Variants in ADAM17 observed in about 807,000 individuals in gnomAD.
ADAM17 encodes disintegrin and metalloproteinase domain-containing protein 17.
Under a neutral mutation model 96.7 loss-of-function variants are expected in ADAM17, and 39 were observed. That is an observed-to-expected ratio of 0.40 (90% CI 0.31 to 0.53). ADAM17 has a LOEUF of 0.53. Among genes scored for constraint, ADAM17 ranks in the 20% least tolerant of loss-of-function variants. The pLI is 0.44. For missense variants in ADAM17, 777 were observed against 1,013.2 expected, an observed-to-expected ratio of 0.77 and a Z score of 3.17; for synonymous variants, 344 against 359.2, an observed-to-expected ratio of 0.96 and a Z score of 0.48.
intron 4 of ADAM17, among the ~76,000 whole-genome samples, chr2:9,532,315 C>T (rs969358136): frequency 2.6e-5 from 4 of 151,860 alleles, no homozygotes; most frequent in African/African-American, 9.7e-5. Context: ...TGTGAACAGC[C>T]AATCACCACA....
At chr2:9,514,179 T>TA (rs1473520973) in intron 10 of ADAM17, among the ~76,000 whole-genome samples, 2 of 151,402 alleles carry the variant, frequency 1.3e-5, no homozygotes, top group Non-Finnish European at 2.9e-5. Flanking sequence ...TATGCAGCCA[T>TA]AAAAAAGGAT....
chr2:9,493,888 G>T, intron 15 of ADAM17, 63 bp from the exon 16 acceptor site: 1 of 1,407,244 alleles, frequency 7.1e-7, no homozygotes, highest in Non-Finnish European at 9.9e-7. Context: ...AAGCAATGTA[G>T]CTTTATAAAA....
rs1271403735 is a variant in ADAM17 at position 9,534,466 on chromosome 2, C to A, written c.450+1368G>T. 2.6e-5 allele frequency among the ~76,000 whole-genome samples: 4 copies of A among 152,044 alleles called. No homozygotes were observed. The East Asian group carries it at 7.7e-4, about 29-fold the overall frequency. ...AGGAGAATCGCCTGAACCGGGGAGG[C>A]AGAGGTTATAGTGAGCCAAGATCAC... On this transcript the variant is annotated intron_variant, in intron 4 of 18. Transcript: ENST00000310823.
intron 2 of ADAM17, among the ~76,000 whole-genome samples, chr2:9,537,906 A>AGGC (rs1665035261): frequency 6.9e-5 from 1 of 14,472 alleles, no homozygotes; most frequent in Non-Finnish European, 1.5e-4. Flanking sequence ...GGAGGGGAGG[A>AGGC]GAGGGGGAGG....
At position 9,488,969 on chromosome 2, in the gene ADAM17, T is replaced by A. The variant is rs888190405; in HGVS notation, c.*1208A>T. ...GAATCCAGGCTAATGATTTTTATCC[T>A]TCACACAGTAAATGCAGCCCATCCA... On this transcript the variant is annotated 3_prime_UTR_variant, in exon 19 of 19. Transcript: ENST00000310823. 1 of 152,206 alleles carries A rather than the reference T, an allele frequency of 6.6e-6. No individual in the cohort carries two copies. The highest frequency in any genetic ancestry group is 1.9e-4 in the East Asian group (1 of 5,198). 9.4% of individuals were successfully genotyped at this position (152,206 alleles called of 1,614,324 possible).
At position 9,490,066 on chromosome 2, in the gene ADAM17, G is replaced by T. The variant is rs1343579133; in HGVS notation, c.*111C>A. ...TGCAGGAAGTTCAAACACATGACCAGCATCTGCTAAGTCACTTCCCAGTCT... is the reference window on the plus strand; with the variant it reads ...TGCAGGAAGTTCAAACACATGACCATCATCTGCTAAGTCACTTCCCAGTCT... On this transcript the variant is annotated 3_prime_UTR_variant, in exon 19 of 19. Transcript: ENST00000310823. 9.8e-6 allele frequency: 10 copies of T among 1,017,836 alleles called. No homozygotes were observed. Among genetic ancestry groups the T allele is most frequent in the Non-Finnish European group, 1.4e-5 (10 of 712,950 alleles). The allele number at this position is 1,017,836 out of a possible 1,614,324, so 63.1% of individuals were successfully genotyped here. A position where few individuals can be genotyped will look rare whatever the true frequency, so the allele number is the denominator to read the frequency against.
At chr2:9,499,278 C>G (rs964657903) in intron 13 of ADAM17, among the ~76,000 whole-genome samples, 1 of 151,896 alleles carries the variant, frequency 6.6e-6, no homozygotes, top group Non-Finnish European at 1.5e-5. Flanking sequence ...GTTTTACTTA[C>G]GTTTATTTAA....
intron 18 of ADAM17, among the ~76,000 whole-genome samples, chr2:9,490,803 CAAGGT>C (rs1662071418): frequency 6.6e-6 from 1 of 152,294 alleles, no homozygotes; most frequent in Admixed American, 6.5e-5. Flanking sequence ...TCAAACCTCT[CAAGGT>C]AAGATCCCAA....
chr2:9,548,527 G>A (rs901011156), intron 1 of ADAM17, among the ~76,000 whole-genome samples: 5 of 151,644 alleles, frequency 3.3e-5, no homozygotes, highest in African/African-American at 1.2e-4. Flanking sequence ...GCTGATATCA[G>A]GAGACAATTG....
At chr2:9,534,820 A>C (rs1572947496) in intron 4 of ADAM17, among the ~76,000 whole-genome samples, 1 of 152,238 alleles carries the variant, frequency 6.6e-6, no homozygotes, top group Non-Finnish European at 1.5e-5. Context: ...TTTAAAATAA[A>C]GGTATTCTTA....
chr2:9,545,067 CA>C (rs1173213937), intron 1 of ADAM17, among the ~76,000 whole-genome samples: 7 of 152,338 alleles, frequency 4.6e-5, no homozygotes, highest in African/African-American at 1.7e-4. Context: ...TTAACCTCAA[CA>C]TTATAGTTTC....
chr2:9,493,839 A>AT lies in ADAM17; in HGVS notation c.1915-15_1915-14insA, dbSNP rs747682476. ...CTCACATTTGCCCTATGAAGAAAAA[A>AT]CATACATACAGCATCATTCCCAAAC... On this transcript the variant is annotated splice_polypyrimidine_tract_variant and intron_variant, in intron 15 of 18. Transcript: ENST00000310823. 38 of 1,601,634 alleles carry AT rather than the reference A, an allele frequency of 2.4e-5. No homozygotes were observed. Among genetic ancestry groups the AT allele is most frequent in the Non-Finnish European group, 3.3e-5 (38 of 1,169,086 alleles).
intron 2 of ADAM17, among the ~76,000 whole-genome samples, chr2:9,537,498 T>C (rs1208320913): frequency 2.0e-5 from 3 of 151,864 alleles, no homozygotes; most frequent in Non-Finnish European, 4.4e-5. Context: ...CTTTGGGAGG[T>C]TGAGCTGGGC....
At position 9,527,864 on chromosome 2, in the gene ADAM17, GAGACTGCA is replaced by G; in HGVS notation, c.533_540del (p.Leu178SerfsTer11). On this transcript the variant is annotated frameshift_variant, in exon 5 of 19. Coordinates refer to ENST00000310823, the MANE Select transcript of ADAM17 (RefSeq NM_003183.6). LOFTEE classifies it high-confidence loss of function. ...ACTTTTAAATAACCACACACTTTTG[GAGACTGCA>G]AACGTGAAACATTCTTGATATCTTC... 3 of 1,604,712 alleles carry G rather than the reference GAGACTGCA, an allele frequency of 1.9e-6. No individual in the cohort carries two copies. The highest frequency in any genetic ancestry group is 2.6e-6 in the Non-Finnish European group (3 of 1,175,276).
At chr2:9,535,794 A>T in intron 4 of ADAM17, 40 bp downstream of exon 4, 1 of 1,307,022 alleles carries the variant, frequency 7.7e-7, no homozygotes, top group Non-Finnish European at 1.1e-6. Context: ...TGAAAATCAG[A>T]GATATAAGCT....
At chr2:9,502,047 AAACTC>A in intron 13 of ADAM17, 121 bp downstream of exon 13, 1 of 828,566 alleles carries the variant, frequency 1.2e-6, no homozygotes, top group Non-Finnish European at 1.9e-6. Context: ...GGAGTGCCAG[AAACTC>A]AACCCGGCAT....
At chr2:9,514,360 G>A (rs1191568004) in intron 10 of ADAM17, among the ~76,000 whole-genome samples, 1 of 94,004 alleles carries the variant, frequency 1.1e-5, no homozygotes, top group Non-Finnish European at 2.0e-5. Flanking sequence ...CCTGTCGTGG[G>A]GTGGGGGGAG....
chr2:9,545,641 T>C (rs1171166958), intron 1 of ADAM17, among the ~76,000 whole-genome samples: 2 of 152,162 alleles, frequency 1.3e-5, no homozygotes, highest in African/African-American at 2.4e-5. Context: ...AAAAAAACTT[T>C]AGCCACAAAG....
chr2:9,532,699 G>A (rs1284996051), intron 4 of ADAM17, among the ~76,000 whole-genome samples: 1 of 148,692 alleles, frequency 6.7e-6, no homozygotes, highest in Non-Finnish European at 1.5e-5. Context: ...TATTGCCTGG[G>A]CTGGTCTCAA....
Sources: gnomAD v4.1 joint callset for allele counts (sites outside exome capture counted in the v4.1 genomes callset) on GRCh38, gnomAD v4.1.1 for gene constraint, MANE v1.5 for transcripts, NCBI Gene and HGNC (gene_info 2026-07-23, HGNC 2026-07-21) for gene names.